SLC27A6: variants seen among roughly 807,000 people sequenced by gnomAD.
The protein encoded by SLC27A6 is long-chain fatty acid transport protein 6.
A neutral mutation model predicts 63.9 loss-of-function variants in SLC27A6; 74 were observed. That is an observed-to-expected ratio of 1.16 (90% CI 0.96 to 1.40). The LOEUF (loss-of-function observed/expected upper bound fraction) is 1.40, where lower values mean the gene tolerates loss of function less well. Ranked by LOEUF, SLC27A6 falls within the 40% of genes most tolerant of loss-of-function variation. The probability of loss-of-function intolerance (pLI) is 0.00; values close to 1 mark genes in which losing one functional copy is unlikely to be tolerated. For missense variants in SLC27A6, 794 were observed against 732.9 expected, an observed-to-expected ratio of 1.08 and a Z score of -0.96; for synonymous variants, 287 against 260.8, an observed-to-expected ratio of 1.10 and a Z score of -0.97.
intron 2 of SLC27A6, among the ~76,000 whole-genome samples, chr5:128,987,591 A>G (rs1249919698): frequency 6.6e-6 from 1 of 152,140 alleles, no homozygotes; most frequent in Admixed American, 6.6e-5. Flanking sequence ...AGATGGGGAC[A>G]AAAAAGTGTC....
intron 3 of SLC27A6, 46 bp downstream of exon 3, chr5:128,988,804 A>C (rs1750878415): frequency 2.1e-6 from 3 of 1,460,612 alleles, no homozygotes; most frequent in African/African-American, 1.4e-5. Context: ...ATGTCTAATA[A>C]TTAGAACAAG....
At chr5:128,981,968 C>A (rs1750607534) in intron 1 of SLC27A6, among the ~76,000 whole-genome samples, 1 of 152,002 alleles carries the variant, frequency 6.6e-6, no homozygotes, top group Non-Finnish European at 1.5e-5. Flanking sequence ...TGCCTGCCAC[C>A]ACACCCAGCT....
intron 1 of SLC27A6, among the ~76,000 whole-genome samples, chr5:128,972,547 C>G (rs1750214484): frequency 1.3e-5 from 2 of 152,184 alleles, no homozygotes; most frequent in South Asian, 4.1e-4. Flanking sequence ...CTTTCTTCCA[C>G]TTAATCAAAT....
chr5:129,005,732 C>G (rs1376217563), intron 4 of SLC27A6, among the ~76,000 whole-genome samples: 1 of 150,774 alleles, frequency 6.6e-6, no homozygotes, highest in Non-Finnish European at 1.5e-5. Context: ...CCTGCCTCAG[C>G]CTCCCGAGTA....
intron 5 of SLC27A6, among the ~76,000 whole-genome samples, chr5:129,016,482 A>T (rs1751902438): frequency 6.7e-6 from 1 of 148,948 alleles, no homozygotes; most frequent in African/African-American, 2.5e-5. Flanking sequence ...GGTAAATATT[A>T]TCACCTTTTT....
chr5:128,998,273 T>G (rs1751225153), intron 4 of SLC27A6, among the ~76,000 whole-genome samples: 1 of 151,896 alleles, frequency 6.6e-6, no homozygotes, highest in Non-Finnish European at 1.5e-5. Flanking sequence ...ACAGCTTGGG[T>G]GACAGAGCAA....
chr5:128,967,854 T>A (rs915374171), intron 1 of SLC27A6, among the ~76,000 whole-genome samples: 1 of 152,198 alleles, frequency 6.6e-6, no homozygotes, highest in Non-Finnish European at 1.5e-5. Flanking sequence ...GTTAGTGTGC[T>A]GCACCCATTA....
chr5:129,017,386 T>C (rs1751936880), intron 5 of SLC27A6, among the ~76,000 whole-genome samples: 1 of 152,038 alleles, frequency 6.6e-6, no homozygotes, highest in African/African-American at 2.4e-5. Context: ...TACTATGAGC[T>C]AAATCATAAA....
chr5:128,988,546 T>A (rs1301149195), intron 2 of SLC27A6, 54 bp from the exon 3 acceptor site: 27 of 1,384,034 alleles, frequency 2.0e-5, no homozygotes, highest in African/African-American at 4.3e-5. Context: ...TGTATGCATA[T>A]GTATATGTAT....
intron 4 of SLC27A6, among the ~76,000 whole-genome samples, chr5:129,003,982 A>T (rs1751435095): frequency 6.6e-6 from 1 of 151,680 alleles, no homozygotes; most frequent in Admixed American, 6.6e-5. Context: ...AAAAAAAAAA[A>T]AAAAAAGAAC....
At chr5:129,009,164 T>A (rs1186251) in intron 4 of SLC27A6, among the ~76,000 whole-genome samples, 1 of 152,020 alleles carries the variant, frequency 6.6e-6, no homozygotes, top group Non-Finnish European at 1.5e-5. Context: ...CCAGCCTCAA[T>A]TGAATTTTTA....
chr5:129,005,352 A>G (rs1479766959), intron 4 of SLC27A6, among the ~76,000 whole-genome samples: 1 of 152,204 alleles, frequency 6.6e-6, no homozygotes, highest in Non-Finnish European at 1.5e-5. Flanking sequence ...AGGAAACTTT[A>G]TAAACCAATA....
rs751221451 is a variant in SLC27A6, at chr5:128,966,588, T to C, written c.451T>C (p.Cys151Arg). 2.4e-5 allele frequency: 37 copies of C among 1,542,140 alleles called. No individual in the cohort carries two copies. The highest frequency in any genetic ancestry group is 4.1e-5 in the African/African-American group (3 of 73,010). ...CTCCCTCCTGAATTGCATCCGCGCC[T>C]GTGGGCCCAGAGCCCTAGTGGTGGG... ...SNSLLNCIRA[C>R]GPRALVVGAD... The change falls in exon 1 of 10, where the codon TGT (cysteine) becomes CGT (arginine). Residue 151 changes from cysteine to arginine, a missense_variant. Coordinates refer to ENST00000262462, the MANE Select transcript of SLC27A6 (RefSeq NM_001017372.3).
intron 9 of SLC27A6, among the ~76,000 whole-genome samples, chr5:129,029,910 C>T: frequency 6.6e-6 from 1 of 151,980 alleles, no homozygotes; most frequent in Non-Finnish European, 1.5e-5. Flanking sequence ...CTGTCTTTGT[C>T]CTAATTATAG....
At chr5:129,014,142 T>A (rs1352002475) in intron 4 of SLC27A6, among the ~76,000 whole-genome samples, 3 of 152,210 alleles carry the variant, frequency 2.0e-5, no homozygotes, top group Non-Finnish European at 4.4e-5. Flanking sequence ...TCTTTTAGTA[T>A]GTAGACTTTC....
intron 4 of SLC27A6, among the ~76,000 whole-genome samples, chr5:128,996,355 T>G (rs1751160190): frequency 6.6e-6 from 1 of 152,182 alleles, no homozygotes; most frequent in Admixed American, 6.5e-5. Flanking sequence ...GCTAAGAAAT[T>G]CCCTGGGAGC....
intron 4 of SLC27A6, among the ~76,000 whole-genome samples, chr5:129,004,545 C>T (rs570440187): frequency 6.6e-6 from 1 of 152,202 alleles, no homozygotes; most frequent in East Asian, 1.9e-4. Context: ...TTTAATTGTG[C>T]TCATTATGTT....
At chr5:128,968,460 G>A (rs556767342) in intron 1 of SLC27A6, among the ~76,000 whole-genome samples, 87 of 152,196 alleles carry the variant, frequency 5.7e-4, no homozygotes, top group Middle Eastern at 6.8e-3. Flanking sequence ...CATTCTAACT[G>A]GTGTGAGATG....
intron 4 of SLC27A6, among the ~76,000 whole-genome samples, chr5:129,010,833 C>A (rs954523426): frequency 3.9e-5 from 6 of 152,080 alleles, no homozygotes; most frequent in African/African-American, 1.4e-4. Flanking sequence ...CCCAATAAGA[C>A]CCTAGCCAGT....
Sources: allele counts gnomAD v4.1 joint callset (sites outside exome capture counted in the v4.1 genomes callset), GRCh38; gene constraint gnomAD v4.1.1; transcripts MANE v1.5; gene names NCBI Gene and HGNC (gene_info 2026-07-23, HGNC 2026-07-21).